CEP112: variants seen among roughly 807,000 people sequenced by gnomAD.
CEP112 encodes the protein centrosomal protein of 112 kDa.
A neutral mutation model predicts 153.0 loss-of-function variants in CEP112; 127 were observed. The ratio of observed to expected loss-of-function variants is 0.83; its 90% CI spans 0.72 to 0.96. The LOEUF (loss-of-function observed/expected upper bound fraction) is 0.96, where lower values mean the gene tolerates loss of function less well. Among genes scored for constraint, CEP112 ranks in the 40% least tolerant of loss-of-function variants. CEP112 has a pLI of 0.00. For missense variants in CEP112, 1,089 were observed against 1,101.2 expected (o/e 0.99, Z 0.16); for synonymous variants, 358 against 374.4 (o/e 0.96, Z 0.51).
chr17:65,946,032 T>G (rs546229819), intron 18 of CEP112, among the ~76,000 whole-genome samples: 1 of 152,320 alleles, frequency 6.6e-6, no homozygotes, highest in South Asian at 2.1e-4. Context: ...ATTTGTCCAT[T>G]TGAAGTCAGC....
At chr17:66,123,940 G>T (rs2069719615) in intron 6 of CEP112, among the ~76,000 whole-genome samples, 1 of 152,130 alleles carries the variant, frequency 6.6e-6, no homozygotes. Flanking sequence ...AAATGGCGAT[G>T]CTTGTTCATT....
At chr17:66,155,698 G>A (rs889702502) in intron 4 of CEP112, among the ~76,000 whole-genome samples, 12 of 152,190 alleles carry the variant, frequency 7.9e-5, no homozygotes, top group African/African-American at 2.2e-4. Flanking sequence ...TGGGATGCTT[G>A]AGCTTGGTTG....
intron 14 of CEP112, 70 bp downstream of exon 14, chr17:66,029,053 T>C: frequency 8.6e-7 from 1 of 1,167,208 alleles, no homozygotes; most frequent in Non-Finnish European, 1.2e-6. Flanking sequence ...TAATTTCTAC[T>C]TGGCTATCTA....
chr17:66,077,899 A>G (rs555396318), intron 8 of CEP112, among the ~76,000 whole-genome samples: 2 of 152,188 alleles, frequency 1.3e-5, no homozygotes, highest in African/African-American at 4.8e-5. Context: ...TTAAGTCCCA[A>G]CCATTTATCT....
intron 24 of CEP112, among the ~76,000 whole-genome samples, chr17:65,683,195 A>G (rs2047614104): frequency 6.6e-6 from 1 of 152,182 alleles, no homozygotes; most frequent in South Asian, 2.1e-4. Context: ...AACACACACA[A>G]TTACCATGGA....
chr17:65,854,962 T>TA (rs1351400291), intron 20 of CEP112, among the ~76,000 whole-genome samples: 2 of 151,896 alleles, frequency 1.3e-5, no homozygotes, highest in African/African-American at 4.8e-5. Flanking sequence ...ATTCTTTTTT[T>TA]AAAAAAAAGC....
At chr17:66,181,736 A>G (rs2072731653) in intron 2 of CEP112, among the ~76,000 whole-genome samples, 1 of 152,222 alleles carries the variant, frequency 6.6e-6, no homozygotes, top group African/African-American at 2.4e-5. Flanking sequence ...TTTAATACAA[A>G]TGTTTCCTAA....
At chr17:66,141,311 T>C (rs1163538743) in intron 4 of CEP112, among the ~76,000 whole-genome samples, 1 of 151,974 alleles carries the variant, frequency 6.6e-6, no homozygotes, top group Non-Finnish European at 1.5e-5. Flanking sequence ...GATCAGACTG[T>C]TCATCCCCTT....
intron 4 of CEP112, among the ~76,000 whole-genome samples, chr17:66,171,803 A>G (rs1414274970): frequency 6.6e-6 from 1 of 152,240 alleles, no homozygotes; most frequent in Non-Finnish European, 1.5e-5. Context: ...ATTAAAAGAA[A>G]CATAAGATAC....
intron 24 of CEP112, among the ~76,000 whole-genome samples, chr17:65,651,403 T>C (rs539599899): frequency 6.6e-6 from 1 of 152,314 alleles, no homozygotes; most frequent in Non-Finnish European, 1.5e-5. Context: ...TAAACATGTG[T>C]GTGCAAGTAT....
At chr17:65,971,538 A>C (rs926003131) in intron 17 of CEP112, among the ~76,000 whole-genome samples, 1 of 152,050 alleles carries the variant, frequency 6.6e-6, no homozygotes, top group African/African-American at 2.4e-5. Flanking sequence ...ACCTAAATGT[A>C]TGTTGCATGT....
At chr17:65,934,623 T>C (rs971766699) in intron 18 of CEP112, among the ~76,000 whole-genome samples, 2 of 152,198 alleles carry the variant, frequency 1.3e-5, no homozygotes, top group East Asian at 3.8e-4. Context: ...AAAACTCAAC[T>C]ACATGTTTCC....
At chr17:65,836,617 C>T (rs949154765) in intron 21 of CEP112, among the ~76,000 whole-genome samples, 2 of 151,886 alleles carry the variant, frequency 1.3e-5, no homozygotes, top group African/African-American at 4.8e-5. Flanking sequence ...CACTATAGCA[C>T]CCAAATATAA....
At chr17:66,114,270 A>G (rs1296135062) in intron 6 of CEP112, among the ~76,000 whole-genome samples, 2 of 152,128 alleles carry the variant, frequency 1.3e-5, no homozygotes, top group Non-Finnish European at 2.9e-5. Context: ...TTGACTTTTT[A>G]TTTTGTTTAT....
At chr17:66,181,233 TGA>T (rs2072707313) in intron 2 of CEP112, among the ~76,000 whole-genome samples, 1 of 152,198 alleles carries the variant, frequency 6.6e-6, no homozygotes. Flanking sequence ...GTTTAAGATG[TGA>T]GTTTCAGATT....
intron 20 of CEP112, among the ~76,000 whole-genome samples, chr17:65,884,880 C>A (rs1272559320): frequency 2.0e-5 from 3 of 151,808 alleles, no homozygotes; most frequent in Non-Finnish European, 4.4e-5. Context: ...ACCACCCTGG[C>A]TAATTTTGTA....
chr17:66,071,165 T>G (rs753670519), intron 8 of CEP112, among the ~76,000 whole-genome samples: 1 of 152,084 alleles, frequency 6.6e-6, no homozygotes, highest in Non-Finnish European at 1.5e-5. Flanking sequence ...AACATATATA[T>G]CATATTAACA....
At chr17:65,709,730 A>G (rs1227090654) in intron 23 of CEP112, among the ~76,000 whole-genome samples, 1 of 152,234 alleles carries the variant, frequency 6.6e-6, no homozygotes, top group East Asian at 1.9e-4. Flanking sequence ...ATCAGTCCAC[A>G]TTGAGCGGCA....
chr17:65,639,144 G>T (rs2044954846), intron 25 of CEP112, among the ~76,000 whole-genome samples: 1 of 152,092 alleles, frequency 6.6e-6, no homozygotes, highest in African/African-American at 2.4e-5. Flanking sequence ...TATGGATTGA[G>T]ATTATGAACA....
Sources: gnomAD v4.1 joint callset for allele counts (sites outside exome capture counted in the v4.1 genomes callset) on GRCh38, gnomAD v4.1.1 for gene constraint, MANE v1.5 for transcripts, NCBI Gene and HGNC (gene_info 2026-07-23, HGNC 2026-07-21) for gene names.